PGPEP1L: variants seen among roughly 807,000 people sequenced by gnomAD.
The protein encoded by PGPEP1L is pyroglutamyl-peptidase I like, also known as pyroglutamyl-peptidase 1-like protein.
In PGPEP1L, 7 loss-of-function variants were observed where a neutral mutation model predicts 6.0. That is an observed-to-expected ratio of 1.17 (90% CI 0.66 to 2.19). The LOEUF is 2.19. PGPEP1L is among the 30% of genes most tolerant of loss of function. The pLI is 0.00. For synonymous variants in PGPEP1L, 103 were observed against 83.9 expected (o/e 1.23, Z -1.24); for missense variants, 209 against 192.5 (o/e 1.09, Z -0.51).
intron 2 of PGPEP1L, among the ~76,000 whole-genome samples, chr15:98,981,421 C>A (rs2017658621): frequency 1.4e-5 from 2 of 146,682 alleles, no homozygotes; most frequent in Admixed American, 7.0e-5. Flanking sequence ...ACCCGGGAGG[C>A]AGAGCTTGCA....
intron 2 of PGPEP1L, among the ~76,000 whole-genome samples, chr15:98,986,105 C>T (rs2017742851): frequency 6.6e-6 from 1 of 152,188 alleles, no homozygotes; most frequent in South Asian, 2.1e-4. Flanking sequence ...TAAACAGGAA[C>T]CCCTATAGGG....
At chr15:99,004,967 T>C (rs2018028633) in intron 2 of PGPEP1L, among the ~76,000 whole-genome samples, 1 of 152,014 alleles carries the variant, frequency 6.6e-6, no homozygotes, top group African/African-American at 2.4e-5. Flanking sequence ...GGACTGTGTG[T>C]TCCTTTGCGG....
At chr15:98,992,291 C>T (rs1336469159) in intron 2 of PGPEP1L, among the ~76,000 whole-genome samples, 1 of 152,132 alleles carries the variant, frequency 6.6e-6, no homozygotes, top group African/African-American at 2.4e-5. Context: ...TACAAGCATT[C>T]CTATACACCA....
chr15:98,989,045 T>G (rs1250508135), intron 2 of PGPEP1L, among the ~76,000 whole-genome samples: 2 of 152,098 alleles, frequency 1.3e-5, no homozygotes, highest in Non-Finnish European at 2.9e-5. Context: ...GCAAAAAGGC[T>G]GAAAATTCCA....
At chr15:98,975,553 T>C (rs772719988) in intron 2 of PGPEP1L, among the ~76,000 whole-genome samples, 2 of 152,228 alleles carry the variant, frequency 1.3e-5, no homozygotes, top group Non-Finnish European at 2.9e-5. Flanking sequence ...ATGTTGTGTA[T>C]GTATGTGTCT....
At chr15:98,995,649 T>C (rs1219540489) in intron 2 of PGPEP1L, among the ~76,000 whole-genome samples, 5 of 152,188 alleles carry the variant, frequency 3.3e-5, no homozygotes, top group African/African-American at 1.2e-4. Flanking sequence ...TGAGCCAAGA[T>C]GGCACCACTG....
chr15:98,968,891 G>C (rs1375088455), intron 4 of PGPEP1L, among the ~76,000 whole-genome samples, 194 bp from the exon 5 acceptor site: 1 of 152,210 alleles, frequency 6.6e-6, no homozygotes, highest in African/African-American at 2.4e-5. Flanking sequence ...TTGGCCTCAT[G>C]GCCTCATGAC....
chr15:98,978,645 G>A (rs1305567358), intron 2 of PGPEP1L, among the ~76,000 whole-genome samples: 3 of 150,204 alleles, frequency 2.0e-5, no homozygotes, highest in Non-Finnish European at 3.0e-5. Context: ...GCTGCCCTAA[G>A]TAACCTGCCT....
chr15:98,973,377 C>T (rs1009234437), intron 2 of PGPEP1L, among the ~76,000 whole-genome samples: 3 of 152,228 alleles, frequency 2.0e-5, no homozygotes, highest in African/African-American at 7.2e-5. Flanking sequence ...CAGACGTTTA[C>T]AGAACACTCC....
rs1376385198 is a variant in PGPEP1L, at chr15:98,971,211, TGG to T, written c.-141-55_-141-54del. ...TCAGTTGATGGGGGGGGGGGGGGGG[TGG>T]GCACCAAGAGTCCCTGAAAACCCAA... On this transcript the variant is annotated intron_variant, in intron 2 of 4. Transcript: ENST00000535714. 1.3e-4 allele frequency: 30 copies of T among 237,576 alleles called. 1 individual carries two copies. In the South Asian group the frequency reaches 1.7e-3, roughly 14 times the overall value. 14.7% of individuals were successfully genotyped at this position (237,576 alleles called of 1,614,324 possible).
At chr15:99,003,472 A>G (rs2018003918) in intron 2 of PGPEP1L, among the ~76,000 whole-genome samples, 1 of 151,676 alleles carries the variant, frequency 6.6e-6, no homozygotes. Context: ...TAGAATTCTG[A>G]GAGGCCCGTG....
intron 2 of PGPEP1L, among the ~76,000 whole-genome samples, chr15:98,979,975 C>A (rs1285846124): frequency 2.0e-5 from 3 of 152,008 alleles, no homozygotes; most frequent in Non-Finnish European, 4.4e-5. Context: ...TAAGTGGGAG[C>A]TAAGCTATGA....
At chr15:98,982,181 C>A (rs1429772398) in intron 2 of PGPEP1L, among the ~76,000 whole-genome samples, 2 of 152,214 alleles carry the variant, frequency 1.3e-5, no homozygotes, top group Non-Finnish European at 2.9e-5. Context: ...ACAGCAGACA[C>A]CCTCCATGCA....
intron 2 of PGPEP1L, among the ~76,000 whole-genome samples, chr15:98,984,461 T>C (rs1273935441): frequency 6.6e-6 from 1 of 152,132 alleles, no homozygotes; most frequent in Non-Finnish European, 1.5e-5. Context: ...GATGGGGATA[T>C]GTTACACAGG....
chr15:98,990,289 A>G (rs942814220), intron 2 of PGPEP1L, among the ~76,000 whole-genome samples: 2 of 151,500 alleles, frequency 1.3e-5, no homozygotes, highest in Non-Finnish European at 2.9e-5. Flanking sequence ...AATGGAAAGA[A>G]AAAAAAAAGC....
At chr15:98,981,524 C>CAA (rs2017663090) in intron 2 of PGPEP1L, among the ~76,000 whole-genome samples, 4 of 146,870 alleles carry the variant, frequency 2.7e-5, no homozygotes, top group East Asian at 2.0e-4. Context: ...AAAACAAAAA[C>CAA]AACAAACAAA....
Position 99,006,514 on chromosome 15 carries a change from G to C in PGPEP1L, c.-370+845C>G, listed in dbSNP as rs545831044. Among the ~76,000 whole-genome samples the C allele has an allele frequency of 1.1e-4, 16 of 152,290 alleles. No homozygotes were observed. In the East Asian group the frequency reaches 2.9e-3, roughly 28 times the overall value. ...CTGTTTTCCAATATCTTGATCTTTC[G>C]GAGAATTCTATTTAAAAACAAAACA... On this transcript the variant is annotated intron_variant, in intron 1 of 4. Coordinates refer to ENST00000535714, the MANE Select transcript of PGPEP1L (RefSeq NM_001167902.2).
At chr15:98,975,075 C>T (rs1567235311) in intron 2 of PGPEP1L, among the ~76,000 whole-genome samples, 1 of 152,032 alleles carries the variant, frequency 6.6e-6, no homozygotes, top group Non-Finnish European at 1.5e-5. Context: ...CCTAAGTGCC[C>T]ATGAATGAAT....
intron 2 of PGPEP1L, among the ~76,000 whole-genome samples, chr15:98,989,837 A>G (rs2017795581): frequency 6.6e-6 from 1 of 152,188 alleles, no homozygotes. Flanking sequence ...CAACATTCTT[A>G]AAGAAAAGAA....
Sources: allele counts gnomAD v4.1 joint callset (sites outside exome capture counted in the v4.1 genomes callset), GRCh38; gene constraint gnomAD v4.1.1; transcripts MANE v1.5; gene names NCBI Gene and HGNC (gene_info 2026-07-23, HGNC 2026-07-21).